Variants in LYG1 observed in about 807,000 individuals in gnomAD.
LYG1 encodes the protein lysozyme g1, also known as lysozyme g-like protein 1.
LYG1 carries 17 observed loss-of-function variants against 21.7 expected under a neutral mutation model. The ratio of observed to expected loss-of-function variants is 0.78; its 90% CI spans 0.54 to 1.18. LYG1 has a LOEUF of 1.18. Among genes scored for constraint, LYG1 ranks in the 50% most tolerant of loss-of-function variants. The probability of loss-of-function intolerance (pLI) is 0.00; values close to 1 mark genes in which losing one functional copy is unlikely to be tolerated. For missense variants in LYG1, 211 were observed against 238.1 expected, an observed-to-expected ratio of 0.89 and a Z score of 0.75; for synonymous variants, 81 against 87.4, an observed-to-expected ratio of 0.93 and a Z score of 0.41.
Position 99,291,307 on chromosome 2 carries a change from C to A in LYG1, c.263G>T (p.Gly88Val), listed in dbSNP as rs373601711. The A allele has an allele frequency of 1.9e-6, 3 of 1,613,446 alleles. No individual in the cohort carries two copies. Among genetic ancestry groups the A allele is most frequent in the Non-Finnish European group, 2.5e-6 (3 of 1,179,660 alleles). ...ACCGGGAGACTTCCTGGACAAGACA[C>A]CAGCGATCACGGCAGGATCCATGCA... Reference protein sequence around the residue: ...KYCMDPAVIAGVLSRKSPGDK... With the variant: ...KYCMDPAVIAVVLSRKSPGDK... Residue 88 changes from glycine (G) to valine (V), a missense_variant, in exon 5 of 7, where the codon GGT (glycine) becomes GTT (valine). Physicochemically the swap from Gly to Val is moderately radical, Grantham distance 109. Coordinates refer to ENST00000308528, the MANE Select transcript of LYG1 (RefSeq NM_174898.3).
At chr2:99,297,749 C>T (rs527674050) in intron 2 of LYG1, among the ~76,000 whole-genome samples, 1 of 152,276 alleles carries the variant, frequency 6.6e-6, no homozygotes, top group Admixed American at 6.5e-5. Context: ...GAGTTTTACT[C>T]TGTCACCCAG....
Position 99,295,622 on chromosome 2 carries a change from ACT to A in LYG1, c.43+4_43+5del. On this transcript the variant is annotated splice_donor_5th_base_variant and intron_variant, in intron 3 of 6. Transcript: ENST00000308528. ...AAAGTCATTTGTAAAAATCAGCCAC[ACT>A]CACCCATCAGGGCAAGGAGGCCCAG... 1 of 1,614,058 alleles carries A rather than the reference ACT, an allele frequency of 6.2e-7. No individual in the cohort carries two copies. Among genetic ancestry groups the A allele is most frequent in the Non-Finnish European group, 8.5e-7 (1 of 1,180,010 alleles).
In LYG1 at chr2:99,284,341, G is replaced by T; in HGVS notation, c.*52C>A. 6.5e-7 allele frequency: 1 copy of T among 1,526,746 alleles called. No homozygotes were observed. Among genetic ancestry groups the T allele is most frequent in the Non-Finnish European group, 9.0e-7 (1 of 1,105,426 alleles). 94.6% of individuals were successfully genotyped at this position (1,526,746 alleles called of 1,614,324 possible). On this transcript the variant is annotated 3_prime_UTR_variant, in exon 7 of 7. Coordinates refer to ENST00000308528, the MANE Select transcript of LYG1 (RefSeq NM_174898.3). ...GGTGCCCTTGGCTAGTTTTATCTGT[G>T]TAACATTTGAGGCTGCATATGTGAT...
chr2:99,284,810 G>C lies in LYG1; in HGVS notation c.344C>G (p.Ser115Cys), dbSNP rs766402111. ...ACTAATCCAGGATGTGGGAGCTTGA[G>C]AGCCAGGGTCCTGCAGGGAAGGAGG... The part of the protein sequence containing the change: ...DRTSMVQDPG[S>C]QAPTSWISES... Residue 115 changes from serine to cysteine, a missense_variant, in exon 6 of 7, where the codon TCT becomes TGT. Ser to Cys is a moderately radical substitution (Grantham distance 112). Coordinates refer to ENST00000308528, the MANE Select transcript of LYG1 (RefSeq NM_174898.3). 6.2e-7 allele frequency: 1 copy of C among 1,612,872 alleles called. No homozygotes were observed. The highest frequency in any genetic ancestry group is 8.5e-7 in the Non-Finnish European group (1 of 1,179,862).
Position 99,291,571 on chromosome 2 carries a change from C to T in LYG1, c.149-150G>A, listed in dbSNP as rs924657128. The T allele has an allele frequency of 2.3e-5, 19 of 825,538 alleles. No individual in the cohort carries two copies. In the African/African-American group the frequency reaches 3.3e-4, roughly 14 times the overall value. The allele number at this position is 825,538 out of a possible 1,614,324, so 51.1% of individuals were successfully genotyped here. ...TTGGTCTTAAATCTTTAGTAGTGGC[C>T]ACTCCCTGACCTGAGGTTAGGGCTC... On this transcript the variant is annotated intron_variant, in intron 4 of 6. Transcript: ENST00000308528.
intron 1 of LYG1, among the ~76,000 whole-genome samples, chr2:99,300,149 T>G (rs2094150158): frequency 6.6e-6 from 1 of 152,224 alleles, no homozygotes; most frequent in Non-Finnish European, 1.5e-5. Flanking sequence ...AAGGCTCATT[T>G]TAAGCTGTTA....
In LYG1 at chr2:99,301,089, C is replaced by T. The variant is rs2105305110; in HGVS notation, c.-163G>A. On this transcript the variant is annotated 5_prime_UTR_variant, in exon 1 of 7. Transcript: ENST00000308528. ...TGCTCCTCCTTAGAGGTGGTGAGCC[C>T]ACAGCGATTTATATAGAGTCCTGTT... is the stretch of plus-strand genomic sequence containing the variant. 7.0e-6 allele frequency: 1 copy of T among 143,582 alleles called. No individual in the cohort carries two copies. The highest frequency in any genetic ancestry group is 2.6e-5 in the African/African-American group (1 of 38,474). The allele number at this position is 143,582 out of a possible 1,614,324, so 8.9% of individuals were successfully genotyped here. A position where few individuals can be genotyped will look rare whatever the true frequency, so the allele number is the denominator to read the frequency against.
At chr2:99,290,770 T>A (rs776209286) in intron 5 of LYG1, among the ~76,000 whole-genome samples, 11 of 152,172 alleles carry the variant, frequency 7.2e-5, no homozygotes, top group Non-Finnish European at 1.0e-4. Context: ...TAGAAAAAGG[T>A]AAAGGAAAAT....
At chr2:99,284,850 C>A (rs748123807) in intron 5 of LYG1, 30 bp from the exon 6 acceptor site, 2 of 1,609,116 alleles carry the variant, frequency 1.2e-6, no homozygotes, top group Admixed American at 3.3e-5. Flanking sequence ...GAAGAAGCCA[C>A]GTAAGCTGGG....
At chr2:99,284,872 TC>T (rs2094093809) in intron 5 of LYG1, 52 bp from the exon 6 acceptor site, 1 of 1,602,336 alleles carries the variant, frequency 6.2e-7, no homozygotes, top group African/African-American at 1.3e-5. Context: ...GGGAGGGTGA[TC>T]CGGCTTACTG....
At position 99,301,105 on chromosome 2, in the gene LYG1, G is replaced by A. The variant is rs1313472798; in HGVS notation, c.-179C>T. ...TGGTGAGCCCACAGCGATTTATATAGAGTCCTGTTCTCTTGTTAAAAGTGT... is the reference window on the plus strand; with the variant it reads ...TGGTGAGCCCACAGCGATTTATATAAAGTCCTGTTCTCTTGTTAAAAGTGT... On this transcript the variant is annotated 5_prime_UTR_variant, in exon 1 of 7. Transcript: ENST00000308528. 6.8e-6 allele frequency: 1 copy of A among 147,668 alleles called. No homozygotes were observed. Among genetic ancestry groups the A allele is most frequent in the Non-Finnish European group, 1.5e-5 (1 of 67,238 alleles). The allele number at this position is 147,668 out of a possible 1,614,324, so 9.1% of individuals were successfully genotyped here.
At position 99,295,661 on chromosome 2, in the gene LYG1, A is replaced by G; in HGVS notation, c.10T>C (p.Leu4=). 1 of 1,614,250 alleles carries G rather than the reference A, an allele frequency of 6.2e-7. No individual in the cohort carries two copies. The highest frequency in any genetic ancestry group is 8.5e-7 in the Non-Finnish European group (1 of 1,180,046). The part of the protein sequence containing the change: MSA[L]WLLLGLLALM... ...GCAAGGAGGCCCAGCAGCAGCCACAATGCAGACATGATGACGATCTGGCTC... is the reference window on the plus strand; with the variant it reads ...GCAAGGAGGCCCAGCAGCAGCCACAGTGCAGACATGATGACGATCTGGCTC... Residue 4 remains leucine (L), a synonymous_variant, in exon 3 of 7, where the codon TTG becomes CTG. Coordinates refer to ENST00000308528, the MANE Select transcript of LYG1 (RefSeq NM_174898.3).
intron 5 of LYG1, among the ~76,000 whole-genome samples, chr2:99,290,929 G>A (rs749956407): frequency 1.3e-5 from 2 of 152,138 alleles, no homozygotes; most frequent in Non-Finnish European, 2.9e-5. Flanking sequence ...AAGGCCATGT[G>A]GCTACAAAGT....
intron 4 of LYG1, 34 bp from the exon 5 acceptor site, chr2:99,291,455 T>G (rs368205648): frequency 1.7e-5 from 28 of 1,606,162 alleles, no homozygotes; most frequent in Non-Finnish European, 2.4e-5. Context: ...ATGCAGCTTG[T>G]TGTGACTTAT....
intron 3 of LYG1, among the ~76,000 whole-genome samples, 166 bp downstream of exon 3, chr2:99,295,462 G>C (rs2094133648): frequency 6.6e-6 from 1 of 152,188 alleles, no homozygotes; most frequent in South Asian, 2.1e-4. Context: ...GGGACATTTG[G>C]GGAGAGGCTG....
chr2:99,289,371 G>A (rs1018872019), intron 5 of LYG1, among the ~76,000 whole-genome samples: 6 of 151,836 alleles, frequency 4.0e-5, no homozygotes, highest in Admixed American at 3.3e-4. Context: ...GAGGAGGATC[G>A]TGTGAGCCCA....
intron 2 of LYG1, among the ~76,000 whole-genome samples, chr2:99,296,902 T>C (rs1400684866): frequency 2.0e-5 from 3 of 152,012 alleles, no homozygotes; most frequent in Admixed American, 2.0e-4. Flanking sequence ...CCTGTAGTCC[T>C]AGCTACTTGG....
At chr2:99,298,269 A>G (rs2094142784) in intron 2 of LYG1, among the ~76,000 whole-genome samples, 190 bp downstream of exon 2, 1 of 152,178 alleles carries the variant, frequency 6.6e-6, no homozygotes, top group African/African-American at 2.4e-5. Flanking sequence ...TCATGATGTC[A>G]AGCACAATGT....
rs528371543 is a variant in LYG1, at chr2:99,289,737, C to T, written c.333+1500G>A. 6.6e-5 allele frequency among the ~76,000 whole-genome samples: 10 copies of T among 152,280 alleles called. No homozygotes were observed. In the South Asian group the frequency reaches 1.7e-3, roughly 25 times the overall value. On this transcript the variant is annotated intron_variant, in intron 5 of 6. Transcript: ENST00000308528. ...TAATTCTTTTTCCAGATAGTCTGAA[C>T]GTCTAAAGGGACTTCTAACCCTTCT...
Sources: gnomAD v4.1 joint callset for allele counts (sites outside exome capture counted in the v4.1 genomes callset) on GRCh38, gnomAD v4.1.1 for gene constraint, MANE v1.5 for transcripts, NCBI Gene and HGNC (gene_info 2026-07-23, HGNC 2026-07-21) for gene names.